The following EYS variants were observed in gnomAD, a reference collection of about 807,000 sequenced individuals.
EYS encodes the protein EGF-like photoreceptor maintenance factor.
In EYS, 250 loss-of-function variants were observed where a neutral mutation model predicts 282.1. The observed-to-expected ratio is 0.89, with a 90% CI of 0.80 to 0.98. EYS has a LOEUF of 0.98. Among genes scored for constraint, EYS ranks in the 50% least tolerant of loss-of-function variants. The pLI, the probability that EYS is intolerant of heterozygous loss-of-function variation, is 0.00. For synonymous variants in EYS, 1,355 were observed against 1,282.9 expected, an observed-to-expected ratio of 1.06 and a Z score of -1.20; for missense variants, 4,016 against 3,709.0, an observed-to-expected ratio of 1.08 and a Z score of -2.15.
intron 12 of EYS, among the ~76,000 whole-genome samples, chr6:65,240,054 T>C (rs895389086): frequency 3.3e-5 from 5 of 151,858 alleles, no homozygotes; most frequent in African/African-American, 4.8e-5. Flanking sequence ...CTGCAACCTC[T>C]GCCTCCTGGG....
intron 22 of EYS, among the ~76,000 whole-genome samples, chr6:64,754,485 A>G (rs1311927637): frequency 2.0e-5 from 3 of 152,142 alleles, no homozygotes; most frequent in Non-Finnish European, 2.9e-5. Flanking sequence ...AACTGGTACT[A>G]TGAAGCCAGT....
At chr6:65,193,077 C>A (rs1325337219) in intron 12 of EYS, among the ~76,000 whole-genome samples, 2 of 151,822 alleles carry the variant, frequency 1.3e-5, no homozygotes, top group Non-Finnish European at 2.9e-5. Flanking sequence ...TGCAGAAAGA[C>A]AAACATTTAC....
chr6:65,326,219 A>G (rs1486856539), intron 11 of EYS, among the ~76,000 whole-genome samples: 2 of 151,748 alleles, frequency 1.3e-5, no homozygotes, highest in African/African-American at 4.8e-5. Context: ...TTGCTTCTCA[A>G]TCTTGTGTCA....
chr6:65,637,104 G>A (rs1767115046), intron 2 of EYS, among the ~76,000 whole-genome samples: 1 of 152,170 alleles, frequency 6.6e-6, no homozygotes, highest in African/African-American at 2.4e-5. Context: ...TTAAAGGCAT[G>A]AGCCAACACA....
intron 24 of EYS, among the ~76,000 whole-genome samples, chr6:64,614,588 A>G (rs528631407): frequency 9.2e-5 from 14 of 152,264 alleles, no homozygotes; most frequent in Admixed American, 1.3e-4. Flanking sequence ...ATGGGGTTAC[A>G]TTACGATAAA....
In EYS at chr6:65,506,992, AAG is replaced by A. The variant is rs1766684521; in HGVS notation, c.-332-11001_-332-11000del. ...TATTTCTATAACTATTAATAAGGAAAAGAAGGCATTTTGTTTTATCTTTATTT... is the reference window on the plus strand; with the variant it reads ...TATTTCTATAACTATTAATAAGGAAAAAGGCATTTTGTTTTATCTTTATTT... On this transcript the variant is annotated intron_variant, in intron 2 of 42. Transcript: ENST00000503581. Among the ~76,000 whole-genome samples, 4 of 152,294 alleles carry A rather than the reference AAG, an allele frequency of 2.6e-5. No homozygotes were observed. The South Asian group carries it at 8.3e-4, about 32-fold the overall frequency.
intron 2 of EYS, among the ~76,000 whole-genome samples, chr6:65,585,256 A>G (rs1247176360): frequency 6.6e-6 from 1 of 151,980 alleles, no homozygotes; most frequent in Non-Finnish European, 1.5e-5. Flanking sequence ...TTCTGTATTT[A>G]CCAAAGTTAT....
chr6:63,742,308 C>T (rs1769095934), intron 41 of EYS, among the ~76,000 whole-genome samples: 1 of 152,058 alleles, frequency 6.6e-6, no homozygotes, highest in African/African-American at 2.4e-5. Flanking sequence ...TCTGGCTTTG[C>T]TTTTAGGGAA....
chr6:63,930,004 T>C (rs1365710463), intron 35 of EYS, among the ~76,000 whole-genome samples: 1 of 152,220 alleles, frequency 6.6e-6, no homozygotes, highest in Non-Finnish European at 1.5e-5. Context: ...CAATATCTCT[T>C]GACTTCCTAC....
chr6:64,801,088 G>C (rs893666349), intron 22 of EYS, among the ~76,000 whole-genome samples: 1 of 151,336 alleles, frequency 6.6e-6, no homozygotes, highest in African/African-American at 2.4e-5. Flanking sequence ...TATAGTTCTG[G>C]GAAATACATC....
intron 12 of EYS, among the ~76,000 whole-genome samples, chr6:65,078,463 AATT>A (rs1774125119): frequency 1.3e-5 from 2 of 152,130 alleles, no homozygotes; most frequent in African/African-American, 4.8e-5. Flanking sequence ...ATGCTTTTTA[AATT>A]ATTCCTTTAA....
intron 40 of EYS, among the ~76,000 whole-genome samples, chr6:63,768,976 AACCAAAT>A (rs1769865274): frequency 6.6e-6 from 1 of 152,160 alleles, no homozygotes; most frequent in African/African-American, 2.4e-5. Context: ...AGGAACAGAA[AACCAAAT>A]ACTGCATATT....
At chr6:63,878,908 C>A (rs989575832) in intron 35 of EYS, among the ~76,000 whole-genome samples, 7 of 152,082 alleles carry the variant, frequency 4.6e-5, no homozygotes, top group Non-Finnish European at 8.8e-5. Context: ...GGGAATTCCC[C>A]GACTCCTTAT....
At chr6:64,498,437 T>C (rs1311700506) in intron 26 of EYS, among the ~76,000 whole-genome samples, 2 of 152,020 alleles carry the variant, frequency 1.3e-5, no homozygotes, top group Non-Finnish European at 2.9e-5. Context: ...ACATCTTCTC[T>C]ACCTCTTTTA....
intron 5 of EYS, among the ~76,000 whole-genome samples, chr6:65,443,688 A>G (rs915383483): frequency 6.8e-6 from 1 of 146,060 alleles, no homozygotes; most frequent in African/African-American, 2.5e-5. Flanking sequence ...ACACACATAC[A>G]CATATATACA....
At position 63,896,085 on chromosome 6, in the gene EYS, TCAAAGACCAGAAA is replaced by T. The variant is rs537811240; in HGVS notation, c.7056-31740_7056-31728del. ...CTGTCCAACTATGTTGTAAATTTCT[TCAAAGACCAGAAA>T]CACTTGGGCTGAAACATCAGTCTCC... is the stretch of plus-strand genomic sequence containing the variant. On this transcript the variant is annotated intron_variant, in intron 35 of 42. Coordinates refer to ENST00000503581, the MANE Select transcript of EYS (RefSeq NM_001142800.2). 1.4e-4 allele frequency among the ~76,000 whole-genome samples: 22 copies of T among 152,304 alleles called. 1 individual carries two copies. The East Asian group carries it at 3.9e-3, about 27-fold the overall frequency.
chr6:63,878,991 G>A (rs1773056214), intron 35 of EYS, among the ~76,000 whole-genome samples: 1 of 152,164 alleles, frequency 6.6e-6, no homozygotes, highest in Admixed American at 6.5e-5. Context: ...CTGGTGAGAT[G>A]AACCCGGTAC....
At chr6:65,060,746 ATATATATATGTGTATATACATGTG>A (rs903141552) in intron 12 of EYS, among the ~76,000 whole-genome samples, 1 of 146,748 alleles carries the variant, frequency 6.8e-6, no homozygotes, top group Non-Finnish European at 1.5e-5. Context: ...ATAAATACAT[ATATATATATGTGTATATACATGTG>A]TATATATATG....
intron 11 of EYS, among the ~76,000 whole-genome samples, chr6:65,321,652 AT>A (rs1380742157): frequency 1.3e-5 from 2 of 152,244 alleles, no homozygotes; most frequent in African/African-American, 2.4e-5. Flanking sequence ...CATGAAGGCT[AT>A]AACCAGCACT....
Sources: gnomAD v4.1 joint callset for allele counts (sites outside exome capture counted in the v4.1 genomes callset) on GRCh38, gnomAD v4.1.1 for gene constraint, MANE v1.5 for transcripts, NCBI Gene and HGNC (gene_info 2026-07-23, HGNC 2026-07-21) for gene names.